The following FAM20A variants were observed in gnomAD, a reference collection of about 807,000 sequenced individuals.
The protein encoded by FAM20A is FAM20A golgi associated secretory pathway pseudokinase.
In FAM20A, 42 loss-of-function variants were observed where a neutral mutation model predicts 52.0. That is an observed-to-expected ratio of 0.81 (90% CI 0.63 to 1.04). FAM20A has a LOEUF of 1.04. Among genes scored for constraint, FAM20A ranks in the 50% least tolerant of loss-of-function variants. FAM20A has a pLI of 0.00. For synonymous variants in FAM20A, 304 were observed against 298.9 expected (o/e 1.02, Z -0.18); for missense variants, 742 against 712.7 (o/e 1.04, Z -0.47).
intron 1 of FAM20A, among the ~76,000 whole-genome samples, chr17:68,577,982 T>C (rs1347728285): frequency 2.0e-5 from 3 of 151,792 alleles, no homozygotes; most frequent in Non-Finnish European, 4.4e-5. Context: ...AATCCTAAAA[T>C]AAATAAATAT....
rs1281777917 is a variant in FAM20A, at chr17:68,535,885, A to C, written c.*1592T>G. 6.6e-6 allele frequency: 3 copies of C among 454,080 alleles called. No individual in the cohort carries two copies. Among genetic ancestry groups the C allele is most frequent in the South Asian group, 4.7e-5 (3 of 64,472 alleles). The allele number at this position is 454,080 out of a possible 1,614,324, so 28.1% of individuals were successfully genotyped here. A position where few individuals can be genotyped will look rare whatever the true frequency, so the allele number is the denominator to read the frequency against. Reference sequence around the variant, plus strand: ...TGGGTTTTGTGTTACAGTGAAAAGAAGACTTTGGAATAGGTCTAAACCACT... The same window carrying C: ...TGGGTTTTGTGTTACAGTGAAAAGACGACTTTGGAATAGGTCTAAACCACT... On this transcript the variant is annotated 3_prime_UTR_variant, in exon 11 of 11. Coordinates refer to ENST00000592554, the MANE Select transcript of FAM20A (RefSeq NM_017565.4).
chr17:68,600,696 C>G lies in FAM20A; in HGVS notation c.-30G>C. The stretch of plus-strand genomic sequence containing the variant: ...TGCTGGCCAAGGGGGACGCCGGGGG[C>G]AGGCCGGCTGTCTCCGGGGTCCCGG... On this transcript the variant is annotated 5_prime_UTR_variant, in exon 1 of 11. Coordinates refer to ENST00000592554, the MANE Select transcript of FAM20A (RefSeq NM_017565.4). The surrounding 1 kb of genome is among the most constrained non-coding windows in gnomAD (Gnocchi z 6.2). 6.5e-7 allele frequency: 1 copy of G among 1,527,914 alleles called. No individual in the cohort carries two copies. The highest frequency in any genetic ancestry group is 8.7e-7 in the Non-Finnish European group (1 of 1,143,760). The allele number at this position is 1,527,914 out of a possible 1,614,324, so 94.6% of individuals were successfully genotyped here. A position where few individuals can be genotyped will look rare whatever the true frequency, so the allele number is the denominator to read the frequency against.
chr17:68,541,804 A>G, intron 7 of FAM20A, 181 bp downstream of exon 7: 2 of 684,530 alleles, frequency 2.9e-6, no homozygotes, highest in Non-Finnish European at 4.9e-6. Context: ...TTTAGAACTG[A>G]ATAAATGAAC....
At chr17:68,538,867 T>A (rs926518876) in intron 10 of FAM20A, among the ~76,000 whole-genome samples, 5 of 152,220 alleles carry the variant, frequency 3.3e-5, no homozygotes, top group African/African-American at 9.6e-5. Flanking sequence ...GAAATTTTGA[T>A]AGTTGTAGTA....
In FAM20A at chr17:68,540,919, C is replaced by A. The variant is rs758964755; in HGVS notation, c.1149G>T (p.Gln383His). 7 of 1,601,854 alleles carry A rather than the reference C, an allele frequency of 4.4e-6. No individual in the cohort carries two copies. The highest frequency in any genetic ancestry group is 6.0e-6 in the Non-Finnish European group (7 of 1,173,890). The change falls in exon 8 of 11, where the codon CAG becomes CAT. Residue 383 changes from glutamine to histidine, a missense_variant. Coordinates refer to ENST00000592554, the MANE Select transcript of FAM20A (RefSeq NM_017565.4). Reference protein sequence around the residue: ...VNPLYCDTVKQIYPYNNSQRL... With the variant: ...VNPLYCDTVKHIYPYNNSQRL... Reference sequence around the variant, plus strand: ...GCTGGCTGTTGTTGTACGGGTAGATCTGTTTCACTGTGTCACAGTAAAGGG... The same window carrying A: ...GCTGGCTGTTGTTGTACGGGTAGATATGTTTCACTGTGTCACAGTAAAGGG...
At chr17:68,550,960 C>G (rs958793925) in intron 4 of FAM20A, 5 of 810,018 alleles carry the variant, frequency 6.2e-6, no homozygotes, top group African/African-American at 3.6e-5. Flanking sequence ...AATGGGCCTC[C>G]CCTTGAATGG....
chr17:68,584,940 C>T (rs951781925), intron 1 of FAM20A, among the ~76,000 whole-genome samples: 1 of 152,184 alleles, frequency 6.6e-6, no homozygotes, highest in African/African-American at 2.4e-5. Flanking sequence ...AGAGAGGCCA[C>T]TGGTGAGTTA....
In FAM20A at chr17:68,535,378, C is replaced by T. The variant is rs186220397; in HGVS notation, c.*2099G>A. 5 of 454,094 alleles carry T rather than the reference C, an allele frequency of 1.1e-5. No homozygotes were observed. Among genetic ancestry groups the T allele is most frequent in the African/African-American group, 8.0e-5 (4 of 50,108 alleles). 28.1% of individuals were successfully genotyped at this position (454,094 alleles called of 1,614,324 possible). On this transcript the variant is annotated 3_prime_UTR_variant, in exon 11 of 11. Coordinates refer to ENST00000592554, the MANE Select transcript of FAM20A (RefSeq NM_017565.4). Reference sequence around the variant, plus strand: ...ATGTGTATATAGGCCATTGGAAAACCAGTCCTTCGTTATAGGAGGTGGCGG... The same window carrying T: ...ATGTGTATATAGGCCATTGGAAAACTAGTCCTTCGTTATAGGAGGTGGCGG...
intron 1 of FAM20A, among the ~76,000 whole-genome samples, chr17:68,585,372 T>C (rs2088137691): frequency 6.6e-6 from 1 of 152,202 alleles, no homozygotes; most frequent in African/African-American, 2.4e-5. Flanking sequence ...TTCCGAGTCT[T>C]CATTGTGTAT....
intron 1 of FAM20A, among the ~76,000 whole-genome samples, chr17:68,561,724 C>A (rs557935433): frequency 6.6e-6 from 1 of 151,760 alleles, no homozygotes; most frequent in Non-Finnish European, 1.5e-5. Flanking sequence ...TATCAAGTAA[C>A]CTTATTATAA....
At position 68,581,088 on chromosome 17, in the gene FAM20A, G is replaced by A. The variant is rs571183898; in HGVS notation, c.404+19175C>T. Among the ~76,000 whole-genome samples the A allele has an allele frequency of 1.5e-4, 23 of 152,276 alleles. No individual in the cohort carries two copies. The South Asian group carries it at 4.4e-3, about 29-fold the overall frequency. Reference sequence around the variant, plus strand: ...GGATGAGTTGGATAACTTTTAAAACGTCTGATGCTTATTGCCAACTTGCCC... The same window carrying A: ...GGATGAGTTGGATAACTTTTAAAACATCTGATGCTTATTGCCAACTTGCCC... On this transcript the variant is annotated intron_variant, in intron 1 of 10. Transcript: ENST00000592554.
rs1235386632 is a variant in FAM20A at position 68,600,640 on chromosome 17, T to C, written c.27A>G (p.Leu9=). 1 of 1,555,972 alleles carries C rather than the reference T, an allele frequency of 6.4e-7. No individual in the cohort carries two copies. The highest frequency in any genetic ancestry group is 2.3e-5 in the East Asian group (1 of 42,694). Residue 9 remains leucine (L), a synonymous_variant, in exon 1 of 11, where the codon CTA becomes CTG. Transcript: ENST00000592554. The surrounding 1 kb of genome is among the most constrained non-coding windows in gnomAD (Gnocchi z 6.2). The stretch of plus-strand genomic sequence containing the variant: ...GCGCGCCCAGCAGCAGCAGAGTCAG[T>C]AGGCGGTCCCGGCGCAGCCCCGGCA... The part of the protein sequence containing the change: MPGLRRDR[L]LTLLLLGALL...
chr17:68,540,496 T>C, intron 8 of FAM20A: 1 of 474,316 alleles, frequency 2.1e-6, no homozygotes, highest in South Asian at 1.5e-5. Flanking sequence ...GTCCGTGGCC[T>C]CGCCTGAGGC....
chr17:68,581,348 GT>G (rs1238937156), intron 1 of FAM20A, among the ~76,000 whole-genome samples: 1 of 75,080 alleles, frequency 1.3e-5, no homozygotes, highest in African/African-American at 5.1e-5. Context: ...CCGAAATGCA[GT>G]TTTTCTTTCT....
chr17:68,551,389 C>T (rs759677396), intron 4 of FAM20A: 7 of 334,252 alleles, frequency 2.1e-5, no homozygotes, highest in East Asian at 1.8e-4. Flanking sequence ...TATACAAGTC[C>T]GTAAACTTTT....
At chr17:68,539,699 G>A (rs1023693850) in intron 9 of FAM20A, among the ~76,000 whole-genome samples, 186 bp downstream of exon 9, 2 of 152,246 alleles carry the variant, frequency 1.3e-5, no homozygotes, top group Non-Finnish European at 2.9e-5. Context: ...CAGGCTGGAG[G>A]AGGATCAAGT....
At position 68,600,299 on chromosome 17, in the gene FAM20A, A is replaced by G; in HGVS notation, c.368T>C (p.Leu123Pro). 1 of 1,580,596 alleles carries G rather than the reference A, an allele frequency of 6.3e-7. No homozygotes were observed. Among genetic ancestry groups the G allele is most frequent in the South Asian group, 1.2e-5 (1 of 86,332 alleles). Residue 123 changes from leucine to proline, a missense_variant, in exon 1 of 11, where the codon CTG (leucine) becomes CCG (proline). Leu to Pro is a moderately conservative substitution (Grantham distance 98, BLOSUM62 -3). Coordinates refer to ENST00000592554, the MANE Select transcript of FAM20A (RefSeq NM_017565.4). This position sits in a 1 kb window ranked among gnomAD's most constrained non-coding sequence, Gnocchi z 6.2. Reference sequence around the variant, plus strand: ...GGCCACCTTCCTCCGGTAATACCGCAGCGCCTCCTGGCTGGCCAGGAGCGA... The same window carrying G: ...GGCCACCTTCCTCCGGTAATACCGCGGCGCCTCCTGGCTGGCCAGGAGCGA... Reference protein sequence around the residue: ...EDSLLASQEALRYYRRKVARW... With the variant: ...EDSLLASQEAPRYYRRKVARW...
rs150289214 is a variant in FAM20A at position 68,538,088 on chromosome 17, A to C, written c.1362-347T>G. Among the ~76,000 whole-genome samples, 286 of 152,362 alleles carry C rather than the reference A, an allele frequency of 1.9e-3. 1 individual carries two copies. Among genetic ancestry groups the C allele is most frequent in the African/African-American group, 6.5e-3 (270 of 41,586 alleles). On this transcript the variant is annotated intron_variant, in intron 10 of 10. Transcript: ENST00000592554. ...AAGGAGATTTAAAGCTAATGGGAGAAGTTTCTAGTAGGTGAATTGATGAGC... is the reference window on the plus strand; with the variant it reads ...AAGGAGATTTAAAGCTAATGGGAGACGTTTCTAGTAGGTGAATTGATGAGC...
At chr17:68,584,751 T>G (rs2088120269) in intron 1 of FAM20A, among the ~76,000 whole-genome samples, 1 of 152,196 alleles carries the variant, frequency 6.6e-6, no homozygotes, top group Non-Finnish European at 1.5e-5. Context: ...CAAGCAGCCT[T>G]AACAGACCAC....
Sources: allele counts gnomAD v4.1 joint callset (sites outside exome capture counted in the v4.1 genomes callset), GRCh38; gene constraint gnomAD v4.1.1; non-coding constraint Gnocchi (gnomAD v3.1); transcripts MANE v1.5; gene names NCBI Gene and HGNC (gene_info 2026-07-23, HGNC 2026-07-21).